The following CADM2 variants were observed in gnomAD, a reference collection of about 807,000 sequenced individuals.
The protein encoded by CADM2 is cell adhesion molecule 2.
Under a neutral mutation model 49.8 loss-of-function variants are expected in CADM2, and 12 were observed. The ratio of observed to expected loss-of-function variants is 0.24; its 90% CI spans 0.15 to 0.39. The LOEUF is 0.39. Among genes scored for constraint, CADM2 ranks in the 10% least tolerant of loss-of-function variants. CADM2 has a pLI of 1.00. For missense variants in CADM2, 378 were observed against 492.3 expected (o/e 0.77, Z 2.20); for synonymous variants, 214 against 175.4 (o/e 1.22, Z -1.74).
At chr3:85,768,822 A>T (rs1309497640) in intron 2 of CADM2, among the ~76,000 whole-genome samples, 2 of 72,512 alleles carry the variant, frequency 2.8e-5, no homozygotes, top group Non-Finnish European at 4.6e-5. Context: ...TAGTATATAT[A>T]CACATATATA....
In CADM2 at chr3:86,069,726, G is replaced by A. The variant is rs1559838815; in HGVS notation, c.*2943G>A. On this transcript the variant is annotated 3_prime_UTR_variant, in exon 10 of 10. Coordinates refer to ENST00000383699, the MANE Select transcript of CADM2 (RefSeq NM_001167675.2). ...CACACACACACCCTTAGTAGAATATGGAGCATTATTCTTTACCAAAAGTAG... is the reference window on the plus strand; with the variant it reads ...CACACACACACCCTTAGTAGAATATAGAGCATTATTCTTTACCAAAAGTAG... 6.6e-6 allele frequency: 1 copy of A among 151,920 alleles called. No homozygotes were observed. Among genetic ancestry groups the A allele is most frequent in the African/African-American group, 2.4e-5 (1 of 41,406 alleles). 9.4% of individuals were successfully genotyped at this position (151,920 alleles called of 1,614,324 possible).
intron 3 of CADM2, among the ~76,000 whole-genome samples, chr3:85,863,646 C>T (rs911648043): frequency 6.6e-6 from 1 of 152,170 alleles, no homozygotes; most frequent in African/African-American, 2.4e-5. Flanking sequence ...GTATCCAGTA[C>T]CATGAGCCAA....
At chr3:85,162,744 T>C (rs1412526544) in intron 1 of CADM2, among the ~76,000 whole-genome samples, 1 of 151,960 alleles carries the variant, frequency 6.6e-6, no homozygotes, top group Non-Finnish European at 1.5e-5. Flanking sequence ...TCTTGGAATT[T>C]TAACTTTTGC....
intron 1 of CADM2, among the ~76,000 whole-genome samples, chr3:85,409,714 T>G (rs752408916): frequency 1.1e-4 from 16 of 152,066 alleles, no homozygotes; most frequent in Non-Finnish European, 1.8e-4. Context: ...TTAAAGATGA[T>G]AAAGTCACTT....
chr3:85,280,381 TC>T (rs2043471303), intron 1 of CADM2, among the ~76,000 whole-genome samples: 1 of 151,648 alleles, frequency 6.6e-6, no homozygotes, highest in Admixed American at 6.6e-5. Flanking sequence ...CATTCTACTC[TC>T]CTTTGACCTG....
At position 85,554,365 on chromosome 3, in the gene CADM2, G is replaced by A. The variant is rs972268895; in HGVS notation, c.62-172157G>A. 3.3e-5 allele frequency among the ~76,000 whole-genome samples: 5 copies of A among 152,130 alleles called. No individual in the cohort carries two copies. The East Asian group carries it at 9.7e-4, about 29-fold the overall frequency. Reference sequence around the variant, plus strand: ...TGGCCCGCAGCGCACCTCCTGCTGTGTCGCTTGGTTCCTAATAGGCCAGGG... The same window carrying A: ...TGGCCCGCAGCGCACCTCCTGCTGTATCGCTTGGTTCCTAATAGGCCAGGG... On this transcript the variant is annotated intron_variant, in intron 1 of 9. Coordinates refer to ENST00000383699, the MANE Select transcript of CADM2 (RefSeq NM_001167675.2).
intron 1 of CADM2, among the ~76,000 whole-genome samples, chr3:85,162,906 A>G (rs1005095513): frequency 2.0e-5 from 3 of 152,034 alleles, no homozygotes; most frequent in African/African-American, 4.8e-5. Context: ...AGTAATTAGT[A>G]TGTATATGGA....
At chr3:85,392,415 C>T (rs1021660319) in intron 1 of CADM2, among the ~76,000 whole-genome samples, 2 of 151,816 alleles carry the variant, frequency 1.3e-5, no homozygotes, top group African/African-American at 4.8e-5. Flanking sequence ...TATAGTGAGC[C>T]CTCAAAAATA....
At chr3:85,049,741 C>T (rs1188824948) in intron 1 of CADM2, among the ~76,000 whole-genome samples, 2 of 152,110 alleles carry the variant, frequency 1.3e-5, no homozygotes, top group Admixed American at 6.6e-5. Flanking sequence ...CAGAAAACAG[C>T]TTTAAAAAAT....
At chr3:85,927,877 C>A (rs774856862) in intron 6 of CADM2, among the ~76,000 whole-genome samples, 1 of 152,042 alleles carries the variant, frequency 6.6e-6, no homozygotes, top group Non-Finnish European at 1.5e-5. Context: ...CTCAAAGCTT[C>A]TTTTTATTTA....
Position 86,067,716 on chromosome 3 carries a change from G to C in CADM2, c.*933G>C, listed in dbSNP as rs1739484662. 6.6e-6 allele frequency: 1 copy of C among 152,166 alleles called. No individual in the cohort carries two copies. The highest frequency in any genetic ancestry group is 2.4e-5 in the African/African-American group (1 of 41,354). 9.4% of individuals were successfully genotyped at this position (152,166 alleles called of 1,614,324 possible). On this transcript the variant is annotated 3_prime_UTR_variant, in exon 10 of 10. Transcript: ENST00000383699. Reference sequence around the variant, plus strand: ...ATTTGATACATATTTAACTTTTTTGGCTGTATGTAATTCAGTCATAAGTAA... The same window carrying C: ...ATTTGATACATATTTAACTTTTTTGCCTGTATGTAATTCAGTCATAAGTAA...
intron 2 of CADM2, among the ~76,000 whole-genome samples, chr3:85,782,629 C>T (rs2070725438): frequency 6.8e-6 from 1 of 148,008 alleles, no homozygotes; most frequent in Admixed American, 6.8e-5. Context: ...GTACTCCAGC[C>T]TGGGCGACAG....
intron 1 of CADM2, among the ~76,000 whole-genome samples, chr3:85,637,636 T>TAAAATAAAATA (rs373000793): frequency 1.0e-4 from 15 of 147,650 alleles, no homozygotes; most frequent in African/African-American, 2.7e-4. Flanking sequence ...TAAAATAAAA[T>TAAAATAAAATA]AAATAAATAA....
At position 85,121,417 on chromosome 3, in the gene CADM2, C is replaced by T. The variant is rs114021384; in HGVS notation, c.61+161749C>T. 6.9e-3 allele frequency among the ~76,000 whole-genome samples: 1,047 copies of T among 152,018 alleles called. 9 individuals carry two copies. The highest frequency in any genetic ancestry group is 0.023 in the African/African-American group (956 of 41,460). Reference sequence around the variant, plus strand: ...GTATGTCTCCAGGGAAACAAAGCATCGAAGAAGGGTAGGTAAGTGACAATC... The same window carrying T: ...GTATGTCTCCAGGGAAACAAAGCATTGAAGAAGGGTAGGTAAGTGACAATC... On this transcript the variant is annotated intron_variant, in intron 1 of 9. Transcript: ENST00000383699.
At chr3:85,976,579 A>G (rs1726811238) in intron 8 of CADM2, among the ~76,000 whole-genome samples, 1 of 151,644 alleles carries the variant, frequency 6.6e-6, no homozygotes, top group Non-Finnish European at 1.5e-5. Context: ...TTATTAGAAA[A>G]GCAAAAATGT....
intron 1 of CADM2, among the ~76,000 whole-genome samples, chr3:85,535,401 A>G (rs2061402695): frequency 6.6e-6 from 1 of 152,142 alleles, no homozygotes; most frequent in South Asian, 2.1e-4. Context: ...TCTTAATAAT[A>G]AAATTGTCCA....
chr3:85,234,438 A>G (rs913926979), intron 1 of CADM2, among the ~76,000 whole-genome samples: 3 of 152,164 alleles, frequency 2.0e-5, no homozygotes, highest in Non-Finnish European at 2.9e-5. Context: ...TAAAAAGGGA[A>G]TAACTATCAT....
At chr3:85,943,357 AT>A (rs1722217961) in intron 7 of CADM2, among the ~76,000 whole-genome samples, 1 of 139,488 alleles carries the variant, frequency 7.2e-6, no homozygotes, top group Non-Finnish European at 1.5e-5. Context: ...CCATTTGTCA[AT>A]TTTGGCTTTT....
chr3:85,373,329 A>T (rs981298896), intron 1 of CADM2, among the ~76,000 whole-genome samples: 1 of 152,138 alleles, frequency 6.6e-6, no homozygotes, highest in Non-Finnish European at 1.5e-5. Flanking sequence ...CTCCAGAATG[A>T]TCTCCTTTGA....
Sources: allele counts gnomAD v4.1 joint callset (sites outside exome capture counted in the v4.1 genomes callset), GRCh38; gene constraint gnomAD v4.1.1; transcripts MANE v1.5; gene names NCBI Gene and HGNC (gene_info 2026-07-23, HGNC 2026-07-21).